GATA3: variants seen among roughly 807,000 people sequenced by gnomAD.
GATA3 encodes trans-acting T-cell-specific transcription factor GATA-3.
GATA3 carries 6 observed loss-of-function variants against 36.0 expected under a neutral mutation model. That is an observed-to-expected ratio of 0.17 (90% CI 0.09 to 0.33). The LOEUF (loss-of-function observed/expected upper bound fraction) is 0.33, where lower values mean the gene tolerates loss of function less well. GATA3 is among the 10% of genes least tolerant of loss of function. The pLI is 1.00. For synonymous variants in GATA3, 326 were observed against 273.0 expected (o/e 1.19, Z -1.92); for missense variants, 514 against 610.1 (o/e 0.84, Z 1.66).
intron 4 of GATA3, among the ~76,000 whole-genome samples, chr10:8,067,255 A>G (rs1287585925): frequency 2.0e-5 from 3 of 152,234 alleles, no homozygotes; most frequent in Admixed American, 6.5e-5. Flanking sequence ...GATGGACAGC[A>G]AAAGACTCCC....
intron 1 of GATA3, among the ~76,000 whole-genome samples, chr10:8,046,200 C>T (rs1200097671): frequency 1.3e-5 from 2 of 152,182 alleles, no homozygotes; most frequent in East Asian, 1.9e-4. Context: ...GACCAACAGA[C>T]CTCCAAAAAG....
At chr10:8,058,913 A>T in intron 3 of GATA3, 72 bp downstream of exon 3, 5 of 1,437,146 alleles carry the variant, frequency 3.5e-6, no homozygotes, top group South Asian at 1.2e-5. Flanking sequence ...GGCCGCACCC[A>T]GAGGGACCCC....
intron 5 of GATA3, 128 bp from the exon 6 acceptor site, chr10:8,073,611 C>A: frequency 9.8e-7 from 1 of 1,021,494 alleles, no homozygotes; most frequent in Non-Finnish European, 1.4e-6. Flanking sequence ...GAGGAAGGGG[C>A]CAGCTGAAAT....
chr10:8,054,557 C>G (rs1408164866), upstream of GATA3: 1 of 152,044 alleles, frequency 6.6e-6, no homozygotes, highest in Non-Finnish European at 1.5e-5. This position sits in a 1 kb window ranked among gnomAD's most constrained non-coding sequence, Gnocchi z 4.2. Context: ...GGGAGAAGTC[C>G]TGGAGCGGGT....
At chr10:8,062,948 C>A (rs1185197346) in intron 3 of GATA3, among the ~76,000 whole-genome samples, 1 of 152,174 alleles carries the variant, frequency 6.6e-6, no homozygotes, top group Non-Finnish European at 1.5e-5. Flanking sequence ...AGCCAACTCC[C>A]CCATGTCTTG....
At chr10:8,051,384 C>T (rs542241090), upstream of GATA3, 16 of 244,020 alleles carry the variant, frequency 6.6e-5, no homozygotes, top group East Asian at 2.0e-3. Context: ...CCTCTCTAGG[C>T]GGTGGCCGCG....
At position 8,066,199 on chromosome 10, in the gene GATA3, T is replaced by C. The variant is rs117012153; in HGVS notation, c.924+2061T>C. Among the ~76,000 whole-genome samples, 27 of 152,210 alleles carry C rather than the reference T, an allele frequency of 1.8e-4. No individual in the cohort carries two copies. The East Asian group carries it at 4.8e-3, about 27-fold the overall frequency. On this transcript the variant is annotated intron_variant, in intron 4 of 5. Transcript: ENST00000379328. ...GGTCTTCTTCCTCTGTCTGGTCAGA[T>C]TGCAGAGGAGGATCGTAATTCCATT...
At chr10:8,072,626 C>G (rs1478102759) in intron 5 of GATA3, among the ~76,000 whole-genome samples, 3 of 152,214 alleles carry the variant, frequency 2.0e-5, no homozygotes, top group Admixed American at 2.0e-4. Context: ...AGACTGAAGT[C>G]TCTTGATCTT....
exon 1 of GATA3, chr10:8,045,436 T>G (rs1306183659): frequency 6.6e-6 from 1 of 152,470 alleles, no homozygotes; most frequent in Admixed American, 6.5e-5. Context: ...GAACTCTGCC[T>G]GTCATTTCTG....
At chr10:8,064,435 G>C (rs569287972) in intron 4 of GATA3, among the ~76,000 whole-genome samples, 2 of 150,512 alleles carry the variant, frequency 1.3e-5, no homozygotes, top group African/African-American at 4.9e-5. Flanking sequence ...TATCAAATCT[G>C]CAGTGTATTC....
intron 4 of GATA3, among the ~76,000 whole-genome samples, chr10:8,065,704 T>C (rs1276537485): frequency 3.8e-5 from 5 of 132,158 alleles, no homozygotes; most frequent in Non-Finnish European, 8.2e-5. Context: ...AGTTTGGTTT[T>C]TTTTTTTTTT....
chr10:8,065,553 A>G (rs2798835), intron 4 of GATA3, among the ~76,000 whole-genome samples: 149,533 of 152,114 alleles, frequency 0.98, 73,525 homozygotes, highest in Middle Eastern at 1. Flanking sequence ...CACCGCTCCC[A>G]GCCAAAGAAG....
chr10:8,046,649 G>GGC, intron 1 of GATA3, among the ~76,000 whole-genome samples: 1 of 6,582 alleles, frequency 1.5e-4, no homozygotes, highest in Non-Finnish European at 4.4e-4. Context: ...ATGGCTGGCA[G>GGC]TGTGTGTGTG....
At chr10:8,051,155 C>T, upstream of GATA3, 3 of 216,504 alleles carry the variant, frequency 1.4e-5, no homozygotes, top group South Asian at 2.9e-5. Context: ...CCTGGGAGGG[C>T]GGGTGGGAGG....
intron 3 of GATA3, among the ~76,000 whole-genome samples, chr10:8,059,398 T>C (rs992316832): frequency 6.6e-6 from 1 of 152,186 alleles, no homozygotes; most frequent in Admixed American, 6.5e-5. Context: ...ACGCATATTC[T>C]CTGCGTGGAA....
upstream of GATA3, among the ~76,000 whole-genome samples, chr10:8,048,984 C>T (rs1273984923): frequency 6.6e-6 from 1 of 151,870 alleles, no homozygotes; most frequent in Non-Finnish European, 1.5e-5. Flanking sequence ...AATCTCCCAG[C>T]GCATCTCCTC....
rs34909898 is a variant in GATA3, at chr10:8,064,172, A to G, written c.924+34A>G. 45,574 of 1,613,318 alleles carry G rather than the reference A, an allele frequency of 0.028. 832 individuals carry two copies. The highest frequency in any genetic ancestry group is 0.061 in the South Asian group (5,543 of 91,042). ...TCGGGAAGGGATGGATTCCATGCTG[A>G]CCATTCTGGGTTTCTCATTTCCTCT... On this transcript the variant is annotated intron_variant, in intron 4 of 5. Transcript: ENST00000379328.
upstream of GATA3, chr10:8,054,537 G>C (rs1463272980): frequency 3.3e-5 from 5 of 152,080 alleles, no homozygotes; most frequent in Non-Finnish European, 7.4e-5. This position sits in a 1 kb window ranked among gnomAD's most constrained non-coding sequence, Gnocchi z 4.2. Flanking sequence ...GCGGGGGTGC[G>C]CGGGGCGGGG....
intron 2 of GATA3, among the ~76,000 whole-genome samples, chr10:8,056,542 T>TG (rs368098638): frequency 0.014 from 2,081 of 152,192 alleles, 48 homozygotes; most frequent in African/African-American, 0.047. Context: ...TGAAGGGGTT[T>TG]GGGGGGGAAG....
Sources: allele counts gnomAD v4.1 joint callset (sites outside exome capture counted in the v4.1 genomes callset), GRCh38; gene constraint gnomAD v4.1.1; non-coding constraint Gnocchi (gnomAD v3.1); transcripts MANE v1.5; gene names NCBI Gene and HGNC (gene_info 2026-07-23, HGNC 2026-07-21).